The following RECK variants were observed in gnomAD, a reference collection of about 807,000 sequenced individuals.
RECK encodes reversion inducing cysteine rich protein with kazal motifs.
Under a neutral mutation model 115.1 loss-of-function variants are expected in RECK, and 69 were observed. The observed-to-expected ratio is 0.60, with a 90% CI of 0.49 to 0.73. RECK has a LOEUF of 0.73. Ranked by LOEUF, RECK falls within the 30% of genes least tolerant of loss-of-function variation. RECK has a pLI of 0.00. For missense variants in RECK, 1,047 were observed against 1,203.7 expected (o/e 0.87, Z 1.93); for synonymous variants, 414 against 419.7 (o/e 0.99, Z 0.17).
Position 36,123,074 on chromosome 9 carries a change from C to T in RECK, c.*29C>T, listed in dbSNP as rs767418871. On this transcript the variant is annotated 3_prime_UTR_variant, in exon 21 of 21. Coordinates refer to ENST00000377966, the MANE Select transcript of RECK (RefSeq NM_021111.3). ...CCCACGGAAAGTGCAGAATGCTCCT[C>T]CACCTCACTCTCCTGCCTTGAAAAA... 5 of 1,552,224 alleles carry T rather than the reference C, an allele frequency of 3.2e-6. No homozygotes were observed. In the Admixed American group the frequency reaches 5.2e-5, roughly 16 times the overall value.
intron 17 of RECK, 45 bp from the exon 18 acceptor site, chr9:36,118,712 A>G (rs1824353748): frequency 6.3e-7 from 1 of 1,575,798 alleles, no homozygotes; most frequent in South Asian, 1.1e-5. Flanking sequence ...TGGGAAAGGT[A>G]CAACATAGAC....
At chr9:36,103,148 A>C (rs1395878145) in intron 12 of RECK, among the ~76,000 whole-genome samples, 1 of 152,156 alleles carries the variant, frequency 6.6e-6, no homozygotes, top group African/African-American at 2.4e-5. Context: ...GGGGATGACA[A>C]GTAGAACTCC....
chr9:36,085,734 TGAAAA>T (rs2132630328), intron 8 of RECK: 1 of 151,986 alleles, frequency 6.6e-6, no homozygotes, highest in East Asian at 1.9e-4. Context: ...AAAAAAAAGA[TGAAAA>T]GAAAGAAAGA....
In RECK at chr9:36,110,096, A is replaced by C; in HGVS notation, c.1888+17A>C. 4 of 1,591,612 alleles carry C rather than the reference A, an allele frequency of 2.5e-6. No homozygotes were observed. Among genetic ancestry groups the C allele is most frequent in the South Asian group, 2.2e-5 (2 of 90,394 alleles). On this transcript the variant is annotated intron_variant, in intron 15 of 20. Transcript: ENST00000377966. ...CCTTCACAGGTGACTGTGATCGCCC[A>C]GAGTCTGTCCTCAGGGGCCATCATT...
chr9:36,116,021 C>T (rs1004064625), intron 16 of RECK, among the ~76,000 whole-genome samples: 4 of 152,040 alleles, frequency 2.6e-5, no homozygotes, highest in African/African-American at 2.4e-5. Context: ...TAGGAAAGAC[C>T]AGCTTCATGG....
chr9:36,074,231 T>C (rs1822357116), intron 6 of RECK, among the ~76,000 whole-genome samples: 1 of 152,234 alleles, frequency 6.6e-6, no homozygotes, highest in African/African-American at 2.4e-5. Flanking sequence ...ATAGCATAAC[T>C]ATGTTTACAT....
intron 1 of RECK, among the ~76,000 whole-genome samples, chr9:36,050,552 A>AT (rs1416925748): frequency 1.3e-5 from 2 of 152,118 alleles, no homozygotes. Context: ...TGTGTATTAT[A>AT]TTTTTAACAC....
chr9:36,042,248 A>T (rs1267490397), intron 1 of RECK, among the ~76,000 whole-genome samples: 1 of 151,750 alleles, frequency 6.6e-6, no homozygotes, highest in African/African-American at 2.4e-5. Flanking sequence ...AGTCCGTTGT[A>T]TTGTTCTTAT....
At chr9:36,092,237 C>T (rs1823184484) in intron 10 of RECK, among the ~76,000 whole-genome samples, 1 of 152,168 alleles carries the variant, frequency 6.6e-6, no homozygotes, top group Admixed American at 6.5e-5. Flanking sequence ...TCTGGTCTGG[C>T]TTCTGGTAAT....
chr9:36,099,732 G>A (rs1247465738), intron 10 of RECK, among the ~76,000 whole-genome samples: 2 of 151,940 alleles, frequency 1.3e-5, no homozygotes, highest in Non-Finnish European at 2.9e-5. Flanking sequence ...CTATCTTCCT[G>A]CCTTGGCCTC....
chr9:36,076,168 T>C (rs1822440907), intron 6 of RECK, among the ~76,000 whole-genome samples: 1 of 152,222 alleles, frequency 6.6e-6, no homozygotes, highest in Admixed American at 6.5e-5. Flanking sequence ...TGACACTGCG[T>C]TGTGAGAATA....
chr9:36,070,102 T>C (rs911939447), intron 6 of RECK, among the ~76,000 whole-genome samples: 14 of 152,206 alleles, frequency 9.2e-5, no homozygotes, highest in Admixed American at 6.5e-5. Flanking sequence ...TTCTAAAATA[T>C]CTACTTCAGA....
chr9:36,107,366 G>T (rs1431613749), intron 13 of RECK, among the ~76,000 whole-genome samples: 1 of 151,998 alleles, frequency 6.6e-6, no homozygotes, highest in African/African-American at 2.4e-5. Context: ...GAGGTAAGTG[G>T]ATCACGAGGT....
intron 6 of RECK, among the ~76,000 whole-genome samples, chr9:36,072,260 G>A (rs1822260709): frequency 6.6e-6 from 1 of 152,016 alleles, no homozygotes; most frequent in Admixed American, 6.6e-5. Context: ...ATTAACTTTG[G>A]TTCTAGATTT....
intron 9 of RECK, among the ~76,000 whole-genome samples, chr9:36,088,747 G>C (rs1298726208): frequency 6.6e-6 from 1 of 152,220 alleles, no homozygotes; most frequent in African/African-American, 2.4e-5. Context: ...GGTCGGGCGC[G>C]GTGGCTCATG....
chr9:36,107,105 C>CAAAA (rs34425685), intron 13 of RECK, among the ~76,000 whole-genome samples: 4 of 82,448 alleles, frequency 4.9e-5, no homozygotes, highest in Non-Finnish European at 9.3e-5. Flanking sequence ...GACTCCGTCT[C>CAAAA]AAAAAAAAAA....
At chr9:36,097,481 A>G (rs1450404903) in intron 10 of RECK, among the ~76,000 whole-genome samples, 1 of 152,238 alleles carries the variant, frequency 6.6e-6, no homozygotes, top group Non-Finnish European at 1.5e-5. Flanking sequence ...ACAATGAACT[A>G]TCCCTTCACG....
chr9:36,056,805 T>C (rs1821548146), intron 2 of RECK, among the ~76,000 whole-genome samples: 1 of 152,212 alleles, frequency 6.6e-6, no homozygotes, highest in East Asian at 1.9e-4. Context: ...CAAAAATGTC[T>C]CTTTTTGTGA....
intron 10 of RECK, among the ~76,000 whole-genome samples, chr9:36,098,073 G>A (rs940416065): frequency 3.3e-5 from 5 of 152,136 alleles, no homozygotes; most frequent in African/African-American, 1.2e-4. Context: ...AGAGAGGGGA[G>A]AGGATTGGGA....
Sources: gnomAD v4.1 joint callset for allele counts (sites outside exome capture counted in the v4.1 genomes callset) on GRCh38, gnomAD v4.1.1 for gene constraint, MANE v1.5 for transcripts, NCBI Gene and HGNC (gene_info 2026-07-23, HGNC 2026-07-21) for gene names.